The following EXOC4 variants were observed in gnomAD, a reference collection of about 807,000 sequenced individuals.
EXOC4 encodes SEC8-like 1.
In EXOC4, 71 loss-of-function variants were observed where a neutral mutation model predicts 107.2. The observed-to-expected ratio is 0.66, with a 90% CI of 0.55 to 0.81. EXOC4 has a LOEUF of 0.81. Ranked by LOEUF, EXOC4 falls within the 30% of genes least tolerant of loss-of-function variation. The probability of loss-of-function intolerance (pLI) is 0.00; values close to 1 mark genes in which losing one functional copy is unlikely to be tolerated. For missense variants in EXOC4, 1,108 were observed against 1,189.6 expected (o/e 0.93, Z 1.01); for synonymous variants, 456 against 441.2 (o/e 1.03, Z -0.42).
intron 11 of EXOC4, among the ~76,000 whole-genome samples, chr7:133,855,165 A>ATATTTTTTT (rs1563028697): frequency 3.1e-4 from 42 of 136,622 alleles, no homozygotes; most frequent in African/African-American, 1.2e-3. Flanking sequence ...AAATATATAT[A>ATATTTTTTT]TTTTTTTTAT....
chr7:133,417,432 G>T lies in EXOC4; in HGVS notation c.1182+42430G>T, dbSNP rs575230421. 5.9e-5 allele frequency among the ~76,000 whole-genome samples: 9 copies of T among 152,254 alleles called. No individual in the cohort carries two copies. The South Asian group carries it at 1.9e-3, about 32-fold the overall frequency. On this transcript the variant is annotated intron_variant, in intron 7 of 17. Coordinates refer to ENST00000253861, the MANE Select transcript of EXOC4 (RefSeq NM_021807.4). ...AACTGAAACCTTTTTTACACTTAAG[G>T]TGTTAAATGGTTTTGTACTCAGAAC...
chr7:133,514,309 C>T (rs1168404871), intron 9 of EXOC4, among the ~76,000 whole-genome samples: 1 of 152,148 alleles, frequency 6.6e-6, no homozygotes, highest in African/African-American at 2.4e-5. Flanking sequence ...GGACTACAGG[C>T]GCATGCCACC....
At chr7:133,616,407 A>G (rs1802196170) in intron 9 of EXOC4, among the ~76,000 whole-genome samples, 1 of 152,166 alleles carries the variant, frequency 6.6e-6, no homozygotes. Context: ...AGTATGGGTT[A>G]TTGAATGAAA....
In EXOC4 at chr7:134,064,486, C is replaced by T. The variant is rs1796141262; in HGVS notation, c.2883C>T (p.Ala961=). 1 of 1,605,992 alleles carries T rather than the reference C, an allele frequency of 6.2e-7. No homozygotes were observed. The highest frequency in any genetic ancestry group is 8.5e-7 in the Non-Finnish European group (1 of 1,175,846). The change falls in exon 18 of 18, where the codon GCC becomes GCT. Residue 961 remains alanine, a synonymous_variant. Transcript: ENST00000253861. ...RLKEIICEQA[A]IKQATKDKKI... Reference sequence around the variant, plus strand: ...AAGAGATCATCTGCGAGCAGGCTGCCATCAAGCAAGCCACCAAGGACAAGA... The same window carrying T: ...AAGAGATCATCTGCGAGCAGGCTGCTATCAAGCAAGCCACCAAGGACAAGA...
At chr7:133,343,533 T>TCCC (rs1163505894) in intron 5 of EXOC4, among the ~76,000 whole-genome samples, 2 of 151,876 alleles carry the variant, frequency 1.3e-5, no homozygotes, top group African/African-American at 4.8e-5. Context: ...CACCTCAGCC[T>TCCC]CCCAATGTGA....
At chr7:133,864,901 A>G (rs967599267) in intron 11 of EXOC4, among the ~76,000 whole-genome samples, 1 of 152,152 alleles carries the variant, frequency 6.6e-6, no homozygotes, top group African/African-American at 2.4e-5. Context: ...GATAAATTTC[A>G]TGGGATAGGG....
the EXOC4 span, among the ~76,000 whole-genome samples, chr7:134,088,478 A>G: frequency 6.6e-6 from 1 of 152,190 alleles, no homozygotes; most frequent in Non-Finnish European, 1.5e-5. Flanking sequence ...GAAAAACAAA[A>G]CAAAGAATCA....
Position 133,475,396 on chromosome 7 carries a change from C to T in EXOC4, c.1251C>T (p.Ser417=). 11 of 1,613,978 alleles carry T rather than the reference C, an allele frequency of 6.8e-6. No homozygotes were observed. Among genetic ancestry groups the T allele is most frequent in the Non-Finnish European group, 9.3e-6 (11 of 1,179,884 alleles). ...CCTCTGAACCATCAGCTCAACTAAG[C>T]TATGCCAGCACTGGACGAGAGTTTG... The part of the protein sequence containing the change: ...RTASEPSAQL[S]YASTGREFAA... The change falls in exon 8 of 18, where the codon AGC becomes AGT. Residue 417 remains serine, a synonymous_variant. Coordinates refer to ENST00000253861, the MANE Select transcript of EXOC4 (RefSeq NM_021807.4).
At position 133,721,760 on chromosome 7, in the gene EXOC4, C is replaced by A. The variant is rs942365671; in HGVS notation, c.1514+91619C>A. Among the ~76,000 whole-genome samples, 7 of 152,170 alleles carry A rather than the reference C, an allele frequency of 4.6e-5. No individual in the cohort carries two copies. In the South Asian group the frequency reaches 1.4e-3, roughly 32 times the overall value. ...TGTCATGAACAGAGGCACAGTGACA[C>A]CCTTTTGGTTGTGACCTGAAGGATG... On this transcript the variant is annotated intron_variant, in intron 10 of 17. Transcript: ENST00000253861.
chr7:133,709,360 G>A (rs1794835632), intron 10 of EXOC4, among the ~76,000 whole-genome samples: 2 of 152,206 alleles, frequency 1.3e-5, no homozygotes, highest in Non-Finnish European at 2.9e-5. Context: ...CTACAGTGAA[G>A]CATCCTGCAA....
At chr7:133,545,784 T>C (rs1307050733) in intron 9 of EXOC4, among the ~76,000 whole-genome samples, 44 of 152,216 alleles carry the variant, frequency 2.9e-4, no homozygotes, top group Admixed American at 2.9e-3. Context: ...AGTTTGACCC[T>C]ATATAACCAC....
chr7:133,299,021 A>G (rs1338020992), intron 3 of EXOC4, among the ~76,000 whole-genome samples: 1 of 152,218 alleles, frequency 6.6e-6, no homozygotes, highest in South Asian at 2.1e-4. Context: ...TGGAAAAAAC[A>G]TGTTTAAAAA....
intron 7 of EXOC4, among the ~76,000 whole-genome samples, chr7:133,445,674 T>C (rs947264029): frequency 6.6e-6 from 1 of 152,082 alleles, no homozygotes; most frequent in Admixed American, 6.6e-5. Context: ...GTAATTCTAA[T>C]GTGCAGCAGT....
intron 3 of EXOC4, among the ~76,000 whole-genome samples, chr7:133,304,866 T>C (rs1794717677): frequency 6.6e-6 from 1 of 152,236 alleles, no homozygotes; most frequent in Non-Finnish European, 1.5e-5. Flanking sequence ...AAGCAGGGAA[T>C]AATACGCATA....
chr7:133,420,511 A>G (rs1402610680), intron 7 of EXOC4, among the ~76,000 whole-genome samples: 1 of 152,066 alleles, frequency 6.6e-6, no homozygotes, highest in East Asian at 1.9e-4. Flanking sequence ...AGTCTTGTAT[A>G]GTGTCATGTG....
At chr7:133,377,963 A>T in intron 7 of EXOC4, among the ~76,000 whole-genome samples, 1 of 151,888 alleles carries the variant, frequency 6.6e-6, no homozygotes, top group Admixed American at 6.6e-5. Context: ...TTTTCAAATG[A>T]ACTAAAACTT....
chr7:133,874,295 G>C (rs138726651), intron 11 of EXOC4, among the ~76,000 whole-genome samples: 4 of 152,276 alleles, frequency 2.6e-5, no homozygotes, highest in African/African-American at 9.6e-5. Context: ...GCTCTGCATG[G>C]AAAAGTCATA....
chr7:133,335,797 C>A (rs1436324236), intron 5 of EXOC4, among the ~76,000 whole-genome samples: 4 of 152,180 alleles, frequency 2.6e-5, no homozygotes, highest in Non-Finnish European at 5.9e-5. Flanking sequence ...ATATTCTCAC[C>A]AACAGTGTGT....
intron 17 of EXOC4, among the ~76,000 whole-genome samples, chr7:134,059,695 A>G (rs1323053476): frequency 6.6e-6 from 1 of 152,190 alleles, no homozygotes; most frequent in African/African-American, 2.4e-5. Context: ...CAATTGAAGT[A>G]TCCAATTGTG....
Sources: gnomAD v4.1 joint callset for allele counts (sites outside exome capture counted in the v4.1 genomes callset) on GRCh38, gnomAD v4.1.1 for gene constraint, MANE v1.5 for transcripts, NCBI Gene and HGNC (gene_info 2026-07-23, HGNC 2026-07-21) for gene names.